Variants in YIPF4 observed in about 807,000 individuals in gnomAD.
The protein encoded by YIPF4 is protein YIPF4.
A neutral mutation model predicts 29.4 loss-of-function variants in YIPF4; 18 were observed. The observed-to-expected ratio is 0.61, with a 90% CI of 0.42 to 0.91. The LOEUF (loss-of-function observed/expected upper bound fraction) is 0.91, where lower values mean the gene tolerates loss of function less well. Among genes scored for constraint, YIPF4 ranks in the 40% least tolerant of loss-of-function variants. The probability of loss-of-function intolerance (pLI) is 0.00; values close to 1 mark genes in which losing one functional copy is unlikely to be tolerated. For synonymous variants in YIPF4, 115 were observed against 104.7 expected (o/e 1.10, Z -0.60); for missense variants, 279 against 282.7 (o/e 0.99, Z 0.09).
intron 4 of YIPF4, among the ~76,000 whole-genome samples, chr2:32,298,868 T>TA (rs2031292352): frequency 6.6e-6 from 1 of 151,652 alleles, no homozygotes; most frequent in Non-Finnish European, 1.5e-5. Context: ...AAAATTTATT[T>TA]ATTTATTTAT....
chr2:32,281,429 A>T (rs1275651046), intron 1 of YIPF4, among the ~76,000 whole-genome samples: 2 of 151,980 alleles, frequency 1.3e-5, no homozygotes, highest in African/African-American at 4.8e-5. Flanking sequence ...TTTTGTAGAG[A>T]CAGGGTTTCG....
At chr2:32,294,770 G>T (rs929780061) in intron 3 of YIPF4, among the ~76,000 whole-genome samples, 10 of 152,344 alleles carry the variant, frequency 6.6e-5, no homozygotes, top group African/African-American at 1.7e-4. Context: ...ACTCCAGCCT[G>T]GGCACCATTG....
chr2:32,288,295 G>C lies in YIPF4; in HGVS notation c.80-2188G>C, dbSNP rs188017843. On this transcript the variant is annotated intron_variant, in intron 1 of 5. Coordinates refer to ENST00000238831, the MANE Select transcript of YIPF4 (RefSeq NM_032312.4). ...GCCTTTTTGAGGTTCTTGCATCTGC[G>C]CTATGACAAACTGCTAAACATGTAC... Among the ~76,000 whole-genome samples the C allele has an allele frequency of 7.2e-5, 11 of 152,152 alleles. No individual in the cohort carries two copies. In the East Asian group the frequency reaches 2.1e-3, roughly 29 times the overall value.
At chr2:32,294,289 A>T (rs1422003537) in intron 3 of YIPF4, among the ~76,000 whole-genome samples, 1 of 147,490 alleles carries the variant, frequency 6.8e-6, no homozygotes, top group African/African-American at 2.6e-5. Flanking sequence ...TGCCGGGTGG[A>T]GGGGCTCCTC....
chr2:32,288,824 G>T (rs1386706457), intron 1 of YIPF4, among the ~76,000 whole-genome samples: 1 of 151,652 alleles, frequency 6.6e-6, no homozygotes, highest in Non-Finnish European at 1.5e-5. Flanking sequence ...ATAAAAATTA[G>T]CCGGGCATGG....
intron 1 of YIPF4, among the ~76,000 whole-genome samples, chr2:32,284,278 G>A (rs2030560187): frequency 6.6e-6 from 1 of 152,090 alleles, no homozygotes; most frequent in South Asian, 2.1e-4. Flanking sequence ...AAAAGTGGAG[G>A]GAACTGTGAA....
In YIPF4 at chr2:32,306,206, T is replaced by G; in HGVS notation, c.*580T>G. On this transcript the variant is annotated 3_prime_UTR_variant, in exon 6 of 6. Transcript: ENST00000238831. ...TTTGTTTTTAAAATTGTATATAGTT[T>G]TTAAAATCTCACACATGCTTCGATA... The G allele has an allele frequency of 1.1e-6, 1 of 892,726 alleles. No homozygotes were observed. The highest frequency in any genetic ancestry group is 1.8e-5 in the African/African-American group (1 of 55,392). The allele number at this position is 892,726 out of a possible 1,614,324, so 55.3% of individuals were successfully genotyped here. A position where few individuals can be genotyped will look rare whatever the true frequency, so the allele number is the denominator to read the frequency against.
intron 4 of YIPF4, 138 bp downstream of exon 4, chr2:32,298,449 C>T (rs1049755102): frequency 1.6e-6 from 1 of 606,096 alleles, no homozygotes; most frequent in African/African-American, 1.9e-5. Flanking sequence ...AGATGATCAA[C>T]ATATTAGTAT....
At position 32,293,076 on chromosome 2, in the gene YIPF4, A is replaced by T. The variant is rs191797481; in HGVS notation, c.405+728A>T. Among the ~76,000 whole-genome samples the T allele has an allele frequency of 2.9e-3, 413 of 144,578 alleles. 3 individuals are homozygous for T. The highest frequency in any genetic ancestry group is 0.01 in the African/African-American group (400 of 39,266). The allele number at this position is 144,578 out of a possible 152,430, so 94.8% of individuals were successfully genotyped here. On this transcript the variant is annotated intron_variant, in intron 3 of 5. Transcript: ENST00000238831. ...TATTTTTATTTTTTTATTTTTATTT[A>T]TTTATTTATTTATTTTTATTGATCA...
At chr2:32,293,714 G>C (rs943051296) in intron 3 of YIPF4, among the ~76,000 whole-genome samples, 5 of 150,622 alleles carry the variant, frequency 3.3e-5, no homozygotes, top group South Asian at 2.1e-4. Flanking sequence ...CTGGCCGGGC[G>C]GGGGGCTGAC....
At position 32,307,245 on chromosome 2, in the gene YIPF4, A is replaced by G. The variant is rs1473850888; in HGVS notation, c.*1619A>G. 1 of 777,896 alleles carries G rather than the reference A, an allele frequency of 1.3e-6. No individual in the cohort carries two copies. The highest frequency in any genetic ancestry group is 1.7e-6 in the Non-Finnish European group (1 of 574,060). 48.2% of individuals were successfully genotyped at this position (777,896 alleles called of 1,614,324 possible). On this transcript the variant is annotated 3_prime_UTR_variant, in exon 6 of 6. Transcript: ENST00000238831. ...ATTGCTGAGGTTAATACTTTGTTAT[A>G]ATGGATTATAATATTTGACATTCAT...
intron 1 of YIPF4, among the ~76,000 whole-genome samples, chr2:32,286,850 C>G (rs928056416): frequency 6.6e-6 from 1 of 152,210 alleles, no homozygotes; most frequent in Non-Finnish European, 1.5e-5. Context: ...CATTTTCTTA[C>G]AGAGTAACGT....
chr2:32,312,093 A>AC lies in YIPF4; in HGVS notation c.*6468dup, dbSNP rs2031725250. 6.6e-6 allele frequency: 1 copy of AC among 152,196 alleles called. No homozygotes were observed. The highest frequency in any genetic ancestry group is 1.5e-5 in the Non-Finnish European group (1 of 68,028). 9.4% of individuals were successfully genotyped at this position (152,196 alleles called of 1,614,324 possible). On this transcript the variant is annotated 3_prime_UTR_variant, in exon 6 of 6. Coordinates refer to ENST00000238831, the MANE Select transcript of YIPF4 (RefSeq NM_032312.4). ...GATAATTATAGTCTCTTCATGGAAAACAGTAAAAATACTCACGTTTATGAT... is the reference window on the plus strand; with the variant it reads ...GATAATTATAGTCTCTTCATGGAAAACCAGTAAAAATACTCACGTTTATGAT...
intron 3 of YIPF4, among the ~76,000 whole-genome samples, chr2:32,294,424 A>C (rs1416626227): frequency 6.6e-6 from 1 of 150,886 alleles, no homozygotes; most frequent in Non-Finnish European, 1.5e-5. Flanking sequence ...CTCACATCCC[A>C]GACGGGGCGG....
intron 4 of YIPF4, among the ~76,000 whole-genome samples, chr2:32,300,253 CGAAA>C (rs2031352135): frequency 6.8e-6 from 1 of 146,734 alleles, no homozygotes; most frequent in African/African-American, 2.5e-5. Context: ...GCAACAAGAG[CGAAA>C]CTCCGTCTCA....
Position 32,314,403 on chromosome 2 carries a change from G to T in YIPF4, c.*8777G>T, listed in dbSNP as rs2148971301. 1 of 152,350 alleles carries T rather than the reference G, an allele frequency of 6.6e-6. No homozygotes were observed. Among genetic ancestry groups the T allele is most frequent in the African/African-American group, 2.4e-5 (1 of 41,580 alleles). 9.4% of individuals were successfully genotyped at this position (152,350 alleles called of 1,614,324 possible). A position where few individuals can be genotyped will look rare whatever the true frequency, so the allele number is the denominator to read the frequency against. ...CTTTAGAATTCCTTGGCCAGGTGCGGTGGCTTACGCCTGTAATCCCAGCTC... is the reference window on the plus strand; with the variant it reads ...CTTTAGAATTCCTTGGCCAGGTGCGTTGGCTTACGCCTGTAATCCCAGCTC... On this transcript the variant is annotated 3_prime_UTR_variant, in exon 6 of 6. Transcript: ENST00000238831.
At chr2:32,284,209 T>C (rs746342323) in intron 1 of YIPF4, among the ~76,000 whole-genome samples, 4 of 152,140 alleles carry the variant, frequency 2.6e-5, no homozygotes, top group Non-Finnish European at 5.9e-5. Flanking sequence ...ATAGATTTTA[T>C]AAACAACCAA....
At chr2:32,291,442 G>A (rs897505607) in intron 2 of YIPF4, among the ~76,000 whole-genome samples, 2 of 152,164 alleles carry the variant, frequency 1.3e-5, no homozygotes, top group Non-Finnish European at 2.9e-5. Context: ...TGCTCGGGTG[G>A]CTGAGGCATG....
rs1349315096 is a variant in YIPF4, at chr2:32,298,331, A to G, written c.483+20A>G. On this transcript the variant is annotated intron_variant, in intron 4 of 5. Transcript: ENST00000238831. ...GGAGAAGTAAGTAGTTTATTTTGAA[A>G]ATAATCTTCCTTATTTATGGTGAGC... 6.4e-7 allele frequency: 1 copy of G among 1,561,486 alleles called. No individual in the cohort carries two copies. Among genetic ancestry groups the G allele is most frequent in the African/African-American group, 1.4e-5 (1 of 73,504 alleles).
Sources: allele counts gnomAD v4.1 joint callset (sites outside exome capture counted in the v4.1 genomes callset), GRCh38; gene constraint gnomAD v4.1.1; transcripts MANE v1.5; gene names NCBI Gene and HGNC (gene_info 2026-07-23, HGNC 2026-07-21).